Variants in FTO observed in about 807,000 individuals in gnomAD.
FTO encodes the protein alpha-ketoglutarate-dependent dioxygenase FTO.
In FTO, 47 loss-of-function variants were observed where a neutral mutation model predicts 63.9. The observed-to-expected ratio is 0.74, with a 90% CI of 0.58 to 0.94. The LOEUF is 0.94. Ranked by LOEUF, FTO falls within the 40% of genes least tolerant of loss-of-function variation. FTO has a pLI of 0.00. For missense variants in FTO, 562 were observed against 618.1 expected (o/e 0.91, Z 0.96); for synonymous variants, 207 against 224.4 (o/e 0.92, Z 0.69).
chr16:53,739,577 T>C (rs955865915), intron 1 of FTO, among the ~76,000 whole-genome samples: 2 of 152,178 alleles, frequency 1.3e-5, no homozygotes, highest in African/African-American at 4.8e-5. Context: ...GCCTCATATA[T>C]GTGTGAATGG....
chr16:53,784,388 A>G (rs1279660603), intron 1 of FTO, among the ~76,000 whole-genome samples: 1 of 152,168 alleles, frequency 6.6e-6, no homozygotes, highest in Non-Finnish European at 1.5e-5. Context: ...TCAGCATATA[A>G]ATTGAGTATG....
At chr16:53,808,215 T>C (rs1487717747) in intron 1 of FTO, among the ~76,000 whole-genome samples, 1 of 151,942 alleles carries the variant, frequency 6.6e-6, no homozygotes, top group Non-Finnish European at 1.5e-5. Flanking sequence ...GCACCTTTAG[T>C]CCCAGCTACT....
At chr16:54,022,306 G>T (rs190357609) in intron 8 of FTO, among the ~76,000 whole-genome samples, 23 of 152,024 alleles carry the variant, frequency 1.5e-4, no homozygotes, top group African/African-American at 5.6e-4. Context: ...GTTTCTGATT[G>T]GTTACGGTAG....
chr16:53,913,847 C>T (rs903004508), intron 7 of FTO, among the ~76,000 whole-genome samples: 7 of 151,960 alleles, frequency 4.6e-5, no homozygotes, highest in South Asian at 2.1e-4. Context: ...GGTGTGGTGG[C>T]GCATGCCTGT....
Position 54,116,461 on chromosome 16 carries a change from G to A in FTO, c.*4546G>A, listed in dbSNP as rs1176648051. The stretch of plus-strand genomic sequence containing the variant: ...AATGCCGTTTATCCCGTTTGCCTTT[G>A]TTACTCTGTGATTAAATGGTATTTT... On this transcript the variant is annotated 3_prime_UTR_variant, in exon 9 of 9. Coordinates refer to ENST00000471389, the MANE Select transcript of FTO (RefSeq NM_001080432.3). The A allele has an allele frequency of 6.6e-6, 1 of 152,122 alleles. No individual in the cohort carries two copies. The highest frequency in any genetic ancestry group is 1.5e-5 in the Non-Finnish European group (1 of 68,032). 9.4% of individuals were successfully genotyped at this position (152,122 alleles called of 1,614,324 possible).
At position 53,811,847 on chromosome 16, in the gene FTO, C is replaced by G. The variant is rs151267563; in HGVS notation, c.123+1630C>G. ...TTATTTTTTGACAGAGGATCTCACTCTGTCACCCAGACTGGAATGCAGTGG... is the reference window on the plus strand; with the variant it reads ...TTATTTTTTGACAGAGGATCTCACTGTGTCACCCAGACTGGAATGCAGTGG... On this transcript the variant is annotated intron_variant, in intron 2 of 8. Coordinates refer to ENST00000471389, the MANE Select transcript of FTO (RefSeq NM_001080432.3). 2.8e-3 allele frequency among the ~76,000 whole-genome samples: 425 copies of G among 152,236 alleles called. 3 individuals carry two copies. Among genetic ancestry groups the G allele is most frequent in the African/African-American group, 0.01 (417 of 41,534 alleles).
chr16:53,744,826 C>CG (rs999648673), intron 1 of FTO, among the ~76,000 whole-genome samples: 1 of 61,622 alleles, frequency 1.6e-5, no homozygotes, highest in African/African-American at 1.3e-4. Context: ...GACTTTTCTT[C>CG]CCCCCCCCCA....
rs1209789336 is a variant in FTO at position 54,099,627 on chromosome 16, C to A, written c.1365-12135C>A. On this transcript the variant is annotated intron_variant, in intron 8 of 8. Transcript: ENST00000471389. ...TGTTCGGCTGTCAAGATAGCCCATT[C>A]ATCACTATCATTATGTAACTGACAA... 2.6e-5 allele frequency among the ~76,000 whole-genome samples: 4 copies of A among 152,178 alleles called. 1 individual carries two copies. Among genetic ancestry groups the A allele is most frequent in the Admixed American group, 2.6e-4 (4 of 15,272 alleles).
At chr16:53,775,446 C>T (rs1038570936) in intron 1 of FTO, among the ~76,000 whole-genome samples, 3 of 152,144 alleles carry the variant, frequency 2.0e-5, no homozygotes, top group Non-Finnish European at 4.4e-5. Context: ...GCAGTAGTCT[C>T]CTTATCTGGC....
intron 5 of FTO, among the ~76,000 whole-genome samples, chr16:53,876,677 A>G (rs958637452): frequency 2.0e-5 from 3 of 152,234 alleles, no homozygotes; most frequent in Admixed American, 2.0e-4. Context: ...CTGTAATCCC[A>G]GCACTTTAGG....
At chr16:53,833,981 C>T (rs7191031) in intron 3 of FTO, among the ~76,000 whole-genome samples, 9,105 of 151,934 alleles carry the variant, frequency 0.06, 714 homozygotes, top group East Asian at 0.33. Context: ...AATTCCTTAT[C>T]AGATATATGA....
At chr16:54,060,294 A>G (rs2085539622) in intron 8 of FTO, among the ~76,000 whole-genome samples, 2 of 152,230 alleles carry the variant, frequency 1.3e-5, no homozygotes, top group African/African-American at 4.8e-5. Context: ...AGACTCAGTG[A>G]ATGAAGAAGA....
chr16:53,707,848 A>G (rs1004008937), intron 1 of FTO, among the ~76,000 whole-genome samples: 2 of 152,230 alleles, frequency 1.3e-5, no homozygotes, highest in Admixed American at 6.5e-5. Flanking sequence ...TCCATTCCAG[A>G]AGAAACTTTG....
intron 8 of FTO, among the ~76,000 whole-genome samples, chr16:54,075,945 A>G (rs2085981596): frequency 6.6e-6 from 1 of 152,184 alleles, no homozygotes; most frequent in African/African-American, 2.4e-5. Context: ...GCTTGTCCCA[A>G]ATCCCATGAA....
intron 1 of FTO, among the ~76,000 whole-genome samples, chr16:53,755,573 C>T (rs1466597926): frequency 3.3e-5 from 5 of 152,276 alleles, no homozygotes; most frequent in South Asian, 2.1e-4. Context: ...TTTCTAGTTT[C>T]GTAAAACTTG....
chr16:53,939,022 C>T (rs1334878245), intron 8 of FTO, among the ~76,000 whole-genome samples: 3 of 152,110 alleles, frequency 2.0e-5, no homozygotes, highest in Non-Finnish European at 2.9e-5. Flanking sequence ...GGCATGAACC[C>T]GGGAGGCGGA....
intron 7 of FTO, among the ~76,000 whole-genome samples, chr16:53,903,155 A>G (rs2081444840): frequency 1.3e-5 from 2 of 152,146 alleles, no homozygotes; most frequent in Non-Finnish European, 2.9e-5. Context: ...CTATGCTGTG[A>G]AAAGTGTGTT....
intron 7 of FTO, among the ~76,000 whole-genome samples, chr16:53,899,068 C>T (rs1680718412): frequency 6.6e-6 from 1 of 152,122 alleles, no homozygotes; most frequent in Admixed American, 6.5e-5. Context: ...TATTCTTAAA[C>T]AAACATAACT....
At chr16:53,942,076 A>G (rs541664261) in intron 8 of FTO, among the ~76,000 whole-genome samples, 2 of 152,228 alleles carry the variant, frequency 1.3e-5, no homozygotes, top group South Asian at 4.1e-4. Flanking sequence ...ACCACTTGTG[A>G]TATTGGCCTG....
Sources: allele counts gnomAD v4.1 joint callset (sites outside exome capture counted in the v4.1 genomes callset), GRCh38; gene constraint gnomAD v4.1.1; transcripts MANE v1.5; gene names NCBI Gene and HGNC (gene_info 2026-07-23, HGNC 2026-07-21).